DCLK2: variants seen among roughly 807,000 people sequenced by gnomAD.
DCLK2 encodes the protein doublecortin like kinase 2.
In DCLK2, 31 loss-of-function variants were observed where a neutral mutation model predicts 78.4. The observed-to-expected ratio is 0.40, with a 90% CI of 0.30 to 0.53. The LOEUF (loss-of-function observed/expected upper bound fraction) is 0.53. Ranked by LOEUF, DCLK2 falls within the 20% of genes least tolerant of loss-of-function variation. The pLI is 0.61. For synonymous variants in DCLK2, 407 were observed against 374.9 expected (o/e 1.09, Z -0.99); for missense variants, 872 against 973.7 (o/e 0.90, Z 1.39).
At chr4:150,229,866 TATTC>T (rs1466782023) in intron 8 of DCLK2, among the ~76,000 whole-genome samples, 1 of 152,210 alleles carries the variant, frequency 6.6e-6, no homozygotes, top group Non-Finnish European at 1.5e-5. Context: ...ACAAAAGAGA[TATTC>T]ATATTATATT....
In DCLK2 at chr4:150,198,079, C is replaced by G. The variant is rs199938113; in HGVS notation, c.937C>G (p.Arg313Gly). 27 of 1,613,624 alleles carry G rather than the reference C, an allele frequency of 1.7e-5. No individual in the cohort carries two copies. Among genetic ancestry groups the G allele is most frequent in the East Asian group, 2.2e-5 (1 of 44,840 alleles). Residue 313 changes from arginine to glycine, a missense_variant, in exon 4 of 16, where the codon CGA becomes GGA. By Grantham distance (125) the Arg-to-Gly change is moderately radical. Around this residue, in one of 3 missense-constraint regions of DCLK2, gnomAD observed 567 missense variants for 593.4 expected, o/e 0.96. Coordinates refer to ENST00000296550, the MANE Select transcript of DCLK2 (RefSeq NM_001040260.4). ...YSGSKSPGPS[R>G]RSKSPASVNG... Reference sequence around the variant, plus strand: ...TGGATCCAAAAGCCCTGGGCCCTCTCGACGCAGCAAATCACCAGCTTCAGG... The same window carrying G: ...TGGATCCAAAAGCCCTGGGCCCTCTGGACGCAGCAAATCACCAGCTTCAGG...
At chr4:150,100,108 T>C (rs1730783678) in intron 1 of DCLK2, among the ~76,000 whole-genome samples, 1 of 152,210 alleles carries the variant, frequency 6.6e-6, no homozygotes, top group South Asian at 2.1e-4. Context: ...AGACAGGATC[T>C]TGCTATGTTG....
chr4:150,232,278 CT>C, intron 8 of DCLK2, 58 bp from the exon 9 acceptor site: 1 of 1,581,278 alleles, frequency 6.3e-7, no homozygotes. Context: ...TCCTCCAGGC[CT>C]TCGAGAGCAG....
chr4:150,197,802 A>G (rs1441790511), intron 3 of DCLK2, among the ~76,000 whole-genome samples, 200 bp from the exon 4 acceptor site: 2 of 141,374 alleles, frequency 1.4e-5, no homozygotes, highest in South Asian at 2.2e-4. Flanking sequence ...CTCAAGAGAG[A>G]AAAAAAAAAA....
At chr4:150,140,728 T>A (rs1734053692) in intron 2 of DCLK2, among the ~76,000 whole-genome samples, 1 of 152,202 alleles carries the variant, frequency 6.6e-6, no homozygotes, top group Admixed American at 6.5e-5. Flanking sequence ...AAAATGAGTT[T>A]TTTATAGGTT....
intron 4 of DCLK2, chr4:150,198,923 C>CCCCCT: frequency 2.1e-6 from 1 of 477,806 alleles, no homozygotes; most frequent in Non-Finnish European, 3.5e-6. Context: ...CCCCCCCCCA[C>CCCCCT]TTTCTGTAGG....
At chr4:150,102,441 GAT>G in intron 1 of DCLK2, 35 bp from the exon 2 acceptor site, 1 of 1,587,966 alleles carries the variant, frequency 6.3e-7, no homozygotes, top group Non-Finnish European at 8.6e-7. Flanking sequence ...CTATGATAGA[GAT>G]AATCATGCTA....
chr4:150,168,295 C>T (rs984408865), intron 2 of DCLK2, among the ~76,000 whole-genome samples: 1 of 150,814 alleles, frequency 6.6e-6, no homozygotes, highest in East Asian at 2.0e-4. Context: ...TGCAGTGAGC[C>T]GAGATCGTGT....
intron 14 of DCLK2, 115 bp from the exon 15 acceptor site, chr4:150,249,445 GAGGGGCCC>G (rs1254180343): frequency 1.3e-6 from 1 of 744,416 alleles, no homozygotes; most frequent in East Asian, 2.5e-5. Flanking sequence ...CTGTGGCTAA[GAGGGGCCC>G]ATTTAGGAAG....
intron 1 of DCLK2, among the ~76,000 whole-genome samples, chr4:150,080,695 G>T (rs991106536): frequency 5.3e-5 from 8 of 152,204 alleles, no homozygotes; most frequent in African/African-American, 1.9e-4. Context: ...GCCTCACAGT[G>T]CCTGCAGCAT....
intron 2 of DCLK2, among the ~76,000 whole-genome samples, chr4:150,168,269 C>T (rs2150254445): frequency 6.6e-6 from 1 of 151,956 alleles, no homozygotes; most frequent in Middle Eastern, 3.4e-3. Flanking sequence ...CGTAAGTAAA[C>T]CCGGCAGGCA....
At chr4:150,079,727 C>T (rs1256422585) in intron 1 of DCLK2, among the ~76,000 whole-genome samples, 3 of 152,206 alleles carry the variant, frequency 2.0e-5, no homozygotes, top group African/African-American at 7.2e-5. Flanking sequence ...GATTGTTGAA[C>T]TTATTTGTAT....
At chr4:150,118,161 A>G (rs931449017) in intron 2 of DCLK2, among the ~76,000 whole-genome samples, 5 of 152,160 alleles carry the variant, frequency 3.3e-5, no homozygotes, top group African/African-American at 1.2e-4. Flanking sequence ...TTCAATGGTA[A>G]TGATGAGGGA....
At chr4:150,254,473 C>CCA in intron 15 of DCLK2, 1 of 398,814 alleles carries the variant, frequency 2.5e-6, no homozygotes, top group Non-Finnish European at 4.4e-6. Flanking sequence ...CTGCCTTCTG[C>CCA]CACACACGCC....
At position 150,253,638 on chromosome 4, in the gene DCLK2, C is replaced by T. The variant is rs1050416551; in HGVS notation, c.2074-2382C>T. 79 of 1,275,348 alleles carry T rather than the reference C, an allele frequency of 6.2e-5. 1 individual carries two copies. Among genetic ancestry groups the T allele is most frequent in the Admixed American group, 2.4e-4 (10 of 42,230 alleles). 79.0% of individuals were successfully genotyped at this position (1,275,348 alleles called of 1,614,324 possible). ...GCATGCTTGTCTCAGTTTCTGATGC[C>T]GCCGTCCGGCTCTCAGCTGCTTACT... On this transcript the variant is annotated intron_variant, in intron 15 of 15. Coordinates refer to ENST00000296550, the MANE Select transcript of DCLK2 (RefSeq NM_001040260.4).
chr4:150,213,885 C>G (rs190740350), intron 5 of DCLK2, among the ~76,000 whole-genome samples: 1 of 152,284 alleles, frequency 6.6e-6, no homozygotes, highest in East Asian at 1.9e-4. Context: ...GTGAGAATCG[C>G]CAAGAAGCTC....
chr4:150,102,888 T>TAAAAA (rs998360772), intron 2 of DCLK2, 76 bp downstream of exon 2: 1 of 1,341,356 alleles, frequency 7.5e-7, no homozygotes, highest in Admixed American at 2.5e-5. Context: ...TAGTCAACAA[T>TAAAAA]AGAAATTTAG....
rs1737793816 is a variant in DCLK2, at chr4:150,184,768, A to AT, written c.757-8364dup. Among the ~76,000 whole-genome samples, 8 of 151,958 alleles carry AT rather than the reference A, an allele frequency of 5.3e-5. No individual in the cohort carries two copies. The South Asian group carries it at 1.7e-3, about 32-fold the overall frequency. ...AGACACCCGCCACCATGCCCGGCTAATTTTTTGTATTTTTAGTAGAGACGG... is the reference window on the plus strand; with the variant it reads ...AGACACCCGCCACCATGCCCGGCTAATTTTTTTGTATTTTTAGTAGAGACGG... On this transcript the variant is annotated intron_variant, in intron 2 of 15. Coordinates refer to ENST00000296550, the MANE Select transcript of DCLK2 (RefSeq NM_001040260.4).
At chr4:150,198,139 G>A in intron 4 of DCLK2, 36 bp downstream of exon 4, 4 of 1,549,036 alleles carry the variant, frequency 2.6e-6, no homozygotes, top group Non-Finnish European at 3.5e-6. Context: ...GTCATAGCAG[G>A]AACAGATCAT....
Sources: allele counts gnomAD v4.1 joint callset (sites outside exome capture counted in the v4.1 genomes callset), GRCh38; gene constraint gnomAD v4.1.1; regional missense constraint gnomAD v4.1.1; transcripts MANE v1.5; gene names NCBI Gene and HGNC (gene_info 2026-07-23, HGNC 2026-07-21).